Variants in HESX1 observed in about 807,000 individuals in gnomAD.
HESX1 encodes homeobox expressed in ES cells 1.
A neutral mutation model predicts 22.5 loss-of-function variants in HESX1; 11 were observed. The ratio of observed to expected loss-of-function variants is 0.49; its 90% confidence interval spans 0.31 to 0.81. The LOEUF (loss-of-function observed/expected upper bound fraction) is 0.81, where lower values mean the gene tolerates loss of function less well. Among genes scored for constraint, HESX1 ranks in the 30% least tolerant of loss-of-function variants. The probability of loss-of-function intolerance (pLI) is 0.05; values close to 1 mark genes in which losing one functional copy is unlikely to be tolerated. For missense variants in HESX1, 201 were observed against 212.6 expected (o/e 0.95, Z 0.34); for synonymous variants, 74 against 76.5 (o/e 0.97, Z 0.17).
At chr3:57,205,783 A>G (rs1404408937) in intron 1 of HESX1, among the ~76,000 whole-genome samples, 1 of 152,114 alleles carries the variant, frequency 6.6e-6, no homozygotes, top group East Asian at 1.9e-4. Context: ...TCCCATTTCT[A>G]TTCCACAGCA....
rs1009172273 is a variant in HESX1 at position 57,199,930 on chromosome 3, C to G, written c.-12G>C. The G allele has an allele frequency of 6.2e-7, 1 of 1,613,340 alleles. No homozygotes were observed. Among genetic ancestry groups the G allele is most frequent in the African/African-American group, 1.3e-5 (1 of 74,920 alleles). On this transcript the variant is annotated 5_prime_UTR_variant, in exon 1 of 4. Transcript: ENST00000295934. ...AGGCTGGGAGACATCCTCTCGTGGT[C>G]TGCACAGAGCAACAGCTCTGGCCTC... is the stretch of plus-strand genomic sequence containing the variant.
At chr3:57,199,632 A>T (rs561856746) in intron 1 of HESX1, 130 bp downstream of exon 1, 13 of 548,930 alleles carry the variant, frequency 2.4e-5, no homozygotes, top group Admixed American at 1.7e-4. Flanking sequence ...AAAAAAAAAA[A>T]AAATAATAAA....
At chr3:57,205,243 T>G (rs980376164) in intron 1 of HESX1, among the ~76,000 whole-genome samples, 2 of 152,028 alleles carry the variant, frequency 1.3e-5, no homozygotes, top group African/African-American at 4.8e-5. Flanking sequence ...ACCCCAACTC[T>G]ACAAAACAAT....
rs375092490 is a variant in HESX1, at chr3:57,198,772, G to A, written c.338C>T (p.Thr113Ile). Residue 113 changes from threonine to isoleucine, a missense_variant, in exon 2 of 4, where the codon ACT (threonine) becomes ATT (isoleucine). Transcript: ENST00000295934. Reference sequence around the variant, plus strand: ...TCCCACCTGGTTTTGAGTAAAAGCAGTTCTTGGTCTTCGGCCTCTATACCA... The same window carrying A: ...TCCCACCTGGTTTTGAGTAAAAGCAATTCTTGGTCTTCGGCCTCTATACCA... ...LSWYRGRRPR[T>I]AFTQNQIEVL... 5 of 1,614,082 alleles carry A rather than the reference G, an allele frequency of 3.1e-6. No individual in the cohort carries two copies. Among genetic ancestry groups the A allele is most frequent in the Non-Finnish European group, 3.4e-6 (4 of 1,179,998 alleles).
At chr3:57,212,557 C>CAAAAAAAAAAAAAAAAAAAAAAA (rs56093005) in intron 1 of HESX1, among the ~76,000 whole-genome samples, 1 of 80,130 alleles carries the variant, frequency 1.2e-5, no homozygotes, top group Non-Finnish European at 2.4e-5. Flanking sequence ...GACTCTGTCT[C>CAAAAAAAAAAAAAAAAAAAAAAA]AAAAAAAAAA....
intron 1 of HESX1, among the ~76,000 whole-genome samples, chr3:57,205,000 T>C (rs146285268): frequency 9.9e-5 from 15 of 152,222 alleles, no homozygotes; most frequent in African/African-American, 3.6e-4. Context: ...ATGGTTACAA[T>C]AGCATCTCTA....
At chr3:57,207,778 A>G (rs2107574379) in intron 1 of HESX1, among the ~76,000 whole-genome samples, 1 of 152,334 alleles carries the variant, frequency 6.6e-6, no homozygotes, top group East Asian at 1.9e-4. Context: ...TTTTAAAAAG[A>G]ACTAAATGGA....
At position 57,198,110 on chromosome 3, in the gene HESX1, G is replaced by C; in HGVS notation, c.*87C>G. 1.2e-6 allele frequency: 1 copy of C among 867,448 alleles called. No individual in the cohort carries two copies. The highest frequency in any genetic ancestry group is 1.7e-5 in the African/African-American group (1 of 60,072). The allele number at this position is 867,448 out of a possible 1,614,324, so 53.7% of individuals were successfully genotyped here. ...CAATATTCAGATTAAATGCAGGAAAGAAAACATCACATTTTAACACTTAAT... is the reference window on the plus strand; with the variant it reads ...CAATATTCAGATTAAATGCAGGAAACAAAACATCACATTTTAACACTTAAT... On this transcript the variant is annotated 3_prime_UTR_variant, in exon 4 of 4. Transcript: ENST00000295934.
Position 57,198,880 on chromosome 3 carries a change from T to C in HESX1, c.230A>G (p.His77Arg), listed in dbSNP as rs2060465444. 1 of 1,614,142 alleles carries C rather than the reference T, an allele frequency of 6.2e-7. No individual in the cohort carries two copies. Among genetic ancestry groups the C allele is most frequent in the Non-Finnish European group, 8.5e-7 (1 of 1,180,006 alleles). Residue 77 changes from histidine to arginine, a missense_variant, in exon 2 of 4, where the codon CAC becomes CGC. His to Arg is a conservative substitution (Grantham distance 29). Transcript: ENST00000295934. ...SGISFPSVVD[H>R]PMPEERASKY... Reference sequence around the variant, plus strand: ...CGAAGCTCTTTCTTCTGGCATTGGGTGATCCACCACGCTAGGGAATGAAAT... The same window carrying C: ...CGAAGCTCTTTCTTCTGGCATTGGGCGATCCACCACGCTAGGGAATGAAAT...
At position 57,205,970 on chromosome 3, in the gene HESX1, C is replaced by A. The variant is rs186534161; in HGVS notation, c.-110-5942G>T. 4.5e-3 allele frequency among the ~76,000 whole-genome samples: 691 copies of A among 152,230 alleles called. 3 individuals carry two copies. Among genetic ancestry groups the A allele is most frequent in the African/African-American group, 0.016 (666 of 41,552 alleles). On this transcript the variant is annotated intron_variant, in intron 1 of 2. Coordinates refer to the HESX1 transcript ENST00000495160. ...CTTTGGGAGGCCGAGGTGGGCGGGT[C>A]ACTTGAGGTCAGGAGTTTGAGACCA...
chr3:57,215,777 C>T (rs947457331), intron 1 of HESX1, among the ~76,000 whole-genome samples: 9 of 151,954 alleles, frequency 5.9e-5, no homozygotes, highest in African/African-American at 2.2e-4. Flanking sequence ...AAAAAACAAA[C>T]AAACAAACAA....
At chr3:57,221,381 T>A (rs978067740) in intron 1 of HESX1, among the ~76,000 whole-genome samples, 3 of 152,156 alleles carry the variant, frequency 2.0e-5, no homozygotes, top group African/African-American at 7.2e-5. Flanking sequence ...GGTCTTGAAC[T>A]CCTGGGCTCA....
chr3:57,211,557 G>C (rs1469588871), intron 1 of HESX1, among the ~76,000 whole-genome samples: 1 of 80,076 alleles, frequency 1.2e-5, no homozygotes, highest in Non-Finnish European at 2.5e-5. Flanking sequence ...AAAAAGCCAG[G>C]CATGGTGGCT....
At chr3:57,219,025 C>T (rs2060599892) in intron 1 of HESX1, among the ~76,000 whole-genome samples, 1 of 152,190 alleles carries the variant, frequency 6.6e-6, no homozygotes, top group Non-Finnish European at 1.5e-5. Flanking sequence ...CTAATTTACA[C>T]TCCCACCAAT....
intron 1 of HESX1, among the ~76,000 whole-genome samples, chr3:57,225,667 TC>T (rs2060637841): frequency 6.6e-6 from 1 of 151,998 alleles, no homozygotes; most frequent in South Asian, 2.1e-4. Context: ...ACCAGCTGAG[TC>T]CGGCAAGAAT....
At chr3:57,204,206 A>T (rs1162559680), upstream of HESX1, among the ~76,000 whole-genome samples, 1 of 151,988 alleles carries the variant, frequency 6.6e-6, no homozygotes, top group African/African-American at 2.4e-5. Context: ...TTTTTTAGAG[A>T]TAGGATCTCA....
intron 1 of HESX1, among the ~76,000 whole-genome samples, chr3:57,207,189 T>C (rs1282870143): frequency 5.9e-5 from 9 of 152,118 alleles, no homozygotes; most frequent in African/African-American, 2.2e-4. Context: ...CCTCAAGTGA[T>C]CCAACGCACC....
chr3:57,200,960 T>C (rs2060482161), upstream of HESX1, among the ~76,000 whole-genome samples: 1 of 152,216 alleles, frequency 6.6e-6, no homozygotes, highest in Non-Finnish European at 1.5e-5. Flanking sequence ...ATTGGGAAGA[T>C]TTTGAACTGG....
chr3:57,204,798 C>CAA (rs35358466), upstream of HESX1, among the ~76,000 whole-genome samples: 5 of 134,492 alleles, frequency 3.7e-5, no homozygotes, highest in South Asian at 2.4e-4. Context: ...AACCTTGTCT[C>CAA]AAAAAAAAAA....
Sources: allele counts gnomAD v4.1 joint callset (sites outside exome capture counted in the v4.1 genomes callset), GRCh38; gene constraint gnomAD v4.1.1; transcripts MANE v1.5; gene names NCBI Gene and HGNC (gene_info 2026-07-23, HGNC 2026-07-21).